DRAM2: variants seen among roughly 807,000 people sequenced by gnomAD.
DRAM2 encodes the protein DNA damage-regulated autophagy modulator protein 2.
DRAM2 carries 26 observed loss-of-function variants against 33.5 expected under a neutral mutation model. The ratio of observed to expected loss-of-function variants is 0.78; its 90% CI spans 0.57 to 1.08. The LOEUF (loss-of-function observed/expected upper bound fraction) is 1.08. Among genes scored for constraint, DRAM2 ranks in the 50% least tolerant of loss-of-function variants. The pLI is 0.00. For missense variants in DRAM2, 311 were observed against 318.1 expected, an observed-to-expected ratio of 0.98 and a Z score of 0.17; for synonymous variants, 98 against 109.5, an observed-to-expected ratio of 0.89 and a Z score of 0.66.
rs561539208 is a variant in DRAM2, at chr1:111,126,558, C to T, written c.132-264G>A. On this transcript the variant is annotated intron_variant, in intron 4 of 9. Coordinates refer to ENST00000484310, the MANE Select transcript of DRAM2 (RefSeq NM_001349884.2). ...ATATATTGATTTTTAAAAAGCTGTCCTTGGTATGTTAAGACTATGTTATTG... is the reference window on the plus strand; with the variant it reads ...ATATATTGATTTTTAAAAAGCTGTCTTTGGTATGTTAAGACTATGTTATTG... Among the ~76,000 whole-genome samples, 13 of 152,020 alleles carry T rather than the reference C, an allele frequency of 8.6e-5. No individual in the cohort carries two copies. In the East Asian group the frequency reaches 2.1e-3, roughly 25 times the overall value.
chr1:111,132,750 C>T (rs532088980), intron 3 of DRAM2, among the ~76,000 whole-genome samples: 9 of 150,392 alleles, frequency 6.0e-5, no homozygotes. Flanking sequence ...GGTGCAATCA[C>T]AGCTAACAGC....
chr1:111,118,926 T>C (rs774860193), intron 8 of DRAM2, 29 bp from the exon 9 acceptor site: 3 of 1,511,506 alleles, frequency 2.0e-6, no homozygotes, highest in South Asian at 2.4e-5. Flanking sequence ...AGAATAGTTT[T>C]GTGAAATTTC....
chr1:111,125,385 T>C (rs1475698090), intron 5 of DRAM2: 3 of 152,450 alleles, frequency 2.0e-5, no homozygotes, highest in Admixed American at 2.0e-4. Flanking sequence ...AGCTTATTTG[T>C]GTCACTCTCA....
At chr1:111,126,010 A>T (rs998422636) in intron 5 of DRAM2, among the ~76,000 whole-genome samples, 1 of 152,188 alleles carries the variant, frequency 6.6e-6, no homozygotes, top group Non-Finnish European at 1.5e-5. Context: ...ATAGTAGAAT[A>T]ATCCGACACA....
intron 3 of DRAM2, among the ~76,000 whole-genome samples, chr1:111,135,432 T>C (rs1652967077): frequency 6.6e-6 from 1 of 152,226 alleles, no homozygotes; most frequent in African/African-American, 2.4e-5. Flanking sequence ...TACTCTAGTT[T>C]CAGCTTTTTT....
At position 111,117,253 on chromosome 1, in the gene DRAM2, G is replaced by A. The variant is rs1328065627; in HGVS notation, c.*907C>T. 6.6e-6 allele frequency: 1 copy of A among 151,996 alleles called. No homozygotes were observed. Among genetic ancestry groups the A allele is most frequent in the Non-Finnish European group, 1.5e-5 (1 of 67,930 alleles). 9.4% of individuals were successfully genotyped at this position (151,996 alleles called of 1,614,324 possible). On this transcript the variant is annotated 3_prime_UTR_variant, in exon 10 of 10. Transcript: ENST00000484310. ...ACAAAGGTTACATCCTATTAAAAAG[G>A]CTCAATATTTACCTGTTCAAGACTA...
At position 111,125,921 on chromosome 1, in the gene DRAM2, T is replaced by A. The variant is rs17026921; in HGVS notation, c.199+306A>T. Reference sequence around the variant, plus strand: ...GGTCAGCTGCATCCACAACTCTTTGTTCCTTACTGGTTGCTTAAGAAGTCC... The same window carrying A: ...GGTCAGCTGCATCCACAACTCTTTGATCCTTACTGGTTGCTTAAGAAGTCC... On this transcript the variant is annotated intron_variant, in intron 5 of 9. Coordinates refer to ENST00000484310, the MANE Select transcript of DRAM2 (RefSeq NM_001349884.2). Among the ~76,000 whole-genome samples, 393 of 152,322 alleles carry A rather than the reference T, an allele frequency of 2.6e-3. 3 individuals carry two copies. Among genetic ancestry groups the A allele is most frequent in the East Asian group, 0.021 (109 of 5,182 alleles).
intron 3 of DRAM2, among the ~76,000 whole-genome samples, chr1:111,133,002 C>G (rs1245035906): frequency 6.6e-6 from 1 of 151,848 alleles, no homozygotes; most frequent in East Asian, 1.9e-4. Context: ...ATTACTCAAT[C>G]CTCCTCCAGT....
chr1:111,136,105 T>C (rs1366403170), intron 3 of DRAM2, among the ~76,000 whole-genome samples: 3 of 152,234 alleles, frequency 2.0e-5, no homozygotes, highest in African/African-American at 7.2e-5. Flanking sequence ...ATTCTGACTT[T>C]CAATTCTCTT....
chr1:111,119,709 T>C (rs1360582840), intron 8 of DRAM2, 168 bp downstream of exon 8: 17 of 599,082 alleles, frequency 2.8e-5, no homozygotes, highest in Non-Finnish European at 4.1e-5. Flanking sequence ...CAGGAGAATA[T>C]GGAAGGTTCT....
At position 111,117,956 on chromosome 1, in the gene DRAM2, T is replaced by C. The variant is rs1649243239; in HGVS notation, c.*204A>G. ...TGAGATAAAAAAGTATAGGCATAGG[T>C]GTTTTTAATAGTCTTCTTGATGATA... On this transcript the variant is annotated 3_prime_UTR_variant, in exon 10 of 10. Transcript: ENST00000484310. 1 of 577,430 alleles carries C rather than the reference T, an allele frequency of 1.7e-6. No homozygotes were observed. Among genetic ancestry groups the C allele is most frequent in the Admixed American group, 3.1e-5 (1 of 32,194 alleles). The allele number at this position is 577,430 out of a possible 1,614,324, so 35.8% of individuals were successfully genotyped here.
At chr1:111,133,187 T>C (rs575775491) in intron 3 of DRAM2, among the ~76,000 whole-genome samples, 3 of 151,124 alleles carry the variant, frequency 2.0e-5, no homozygotes, top group African/African-American at 7.3e-5. Context: ...CCTTTTTTTT[T>C]TTTTTTTTGA....
intron 4 of DRAM2, among the ~76,000 whole-genome samples, chr1:111,127,326 A>C (rs955340134): frequency 1.3e-5 from 2 of 152,186 alleles, no homozygotes; most frequent in Non-Finnish European, 2.9e-5. Context: ...GATAAAAAAG[A>C]AGTAGAAAGT....
Position 111,119,910 on chromosome 1 carries a change from TA to T in DRAM2, c.566del (p.Leu189Ter). 1 of 1,612,958 alleles carries T rather than the reference TA, an allele frequency of 6.2e-7. No individual in the cohort carries two copies. The highest frequency in any genetic ancestry group is 8.5e-7 in the Non-Finnish European group (1 of 1,179,188). On this transcript the variant is annotated frameshift_variant, in exon 8 of 10. Transcript: ENST00000484310. LOFTEE classifies it high-confidence loss of function. ...CGGGGTTCCAATGGAGTTTCTGTTC[TA>T]AATCAGTCCCAAAATTGCCACTGTG... is the stretch of plus-strand genomic sequence containing the variant. Reference protein sequence around the residue: ...VLHSGNFGTDLEQKLHWNPED... With the variant: ...VLHSGNFGTDXEQKLHWNPED...
intron 3 of DRAM2, among the ~76,000 whole-genome samples, chr1:111,134,832 G>A (rs1652843089): frequency 2.0e-5 from 3 of 151,790 alleles, no homozygotes; most frequent in Admixed American, 2.0e-4. Context: ...CTTAACTAAG[G>A]GTGAGTCATT....
chr1:111,118,342 G>T, intron 9 of DRAM2, 75 bp from the exon 10 acceptor site: 1 of 939,700 alleles, frequency 1.1e-6, no homozygotes, highest in Non-Finnish European at 1.6e-6. Flanking sequence ...TGTTCTATAG[G>T]CTACCTTGTG....
At chr1:111,137,739 CTT>C (rs1197599976) in intron 2 of DRAM2, among the ~76,000 whole-genome samples, 153 bp from the exon 3 acceptor site, 1 of 151,974 alleles carries the variant, frequency 6.6e-6, no homozygotes, top group African/African-American at 2.4e-5. Flanking sequence ...TGAGTTGACA[CTT>C]GAGTTTTTTA....
chr1:111,129,433 C>T (rs539615624), intron 4 of DRAM2, among the ~76,000 whole-genome samples: 40 of 152,184 alleles, frequency 2.6e-4, no homozygotes, highest in African/African-American at 1.2e-4. Flanking sequence ...TTAATAATAA[C>T]GTTTTAATAA....
At chr1:111,131,361 T>C in intron 4 of DRAM2, 63 bp downstream of exon 4, 1 of 1,482,304 alleles carries the variant, frequency 6.7e-7, no homozygotes, top group South Asian at 1.3e-5. Flanking sequence ...AAATGTTGAC[T>C]TCAATGTTAA....
Sources: allele counts gnomAD v4.1 joint callset (sites outside exome capture counted in the v4.1 genomes callset), GRCh38; gene constraint gnomAD v4.1.1; transcripts MANE v1.5; gene names NCBI Gene and HGNC (gene_info 2026-07-23, HGNC 2026-07-21).